The following SS18 variants were observed in gnomAD, a reference collection of about 807,000 sequenced individuals.
SS18 encodes the protein SS18 subunit of BAF chromatin remodeling complex, also known as protein SSXT.
In SS18, 28 loss-of-function variants were observed where a neutral mutation model predicts 72.5. The ratio of observed to expected loss-of-function variants is 0.39; its 90% confidence interval spans 0.29 to 0.53. SS18 has a LOEUF of 0.53. SS18 is among the 20% of genes least tolerant of loss of function. The probability of loss-of-function intolerance (pLI) is 0.76; values close to 1 mark genes in which losing one functional copy is unlikely to be tolerated. For synonymous variants in SS18, 172 were observed against 164.2 expected, an observed-to-expected ratio of 1.05 and a Z score of -0.37; for missense variants, 518 against 535.3, an observed-to-expected ratio of 0.97 and a Z score of 0.32.
At chr18:26,020,422 TG>T (rs1450095792) in intron 10 of SS18, among the ~76,000 whole-genome samples, 2 of 152,172 alleles carry the variant, frequency 1.3e-5, no homozygotes, top group African/African-American at 2.4e-5. Context: ...ATGTATAAAA[TG>T]AGATGCTAAT....
At chr18:26,052,956 A>G in intron 4 of SS18, 111 bp from the exon 5 acceptor site, 1 of 774,338 alleles carries the variant, frequency 1.3e-6, no homozygotes, top group Non-Finnish European at 2.1e-6. Context: ...CCAAACAATA[A>G]TTAATCGATA....
chr18:26,032,181 A>T (rs887330204), intron 10 of SS18, among the ~76,000 whole-genome samples: 2 of 152,126 alleles, frequency 1.3e-5, no homozygotes. Flanking sequence ...TTGTCTTATG[A>T]TAAGGCCATG....
Position 26,035,328 on chromosome 18 carries a change from G to A in SS18, c.974-201C>T. 1.9e-6 allele frequency: 1 copy of A among 538,176 alleles called. No homozygotes were observed. The highest frequency in any genetic ancestry group is 1.9e-5 in the African/African-American group (1 of 52,460). 33.3% of individuals were successfully genotyped at this position (538,176 alleles called of 1,614,324 possible). The stretch of plus-strand genomic sequence containing the variant: ...ACTGCAGTTAAAGCCAATTTTGCAA[G>A]GTTGAACTGCAGCATTTTCAGCGTC... On this transcript the variant is annotated intron_variant, in intron 8 of 10. Coordinates refer to ENST00000415083, the MANE Select transcript of SS18 (RefSeq NM_001007559.3). This position sits in a 1 kb window ranked among gnomAD's most constrained non-coding sequence, Gnocchi z 4.4.
At chr18:26,064,999 C>G (rs1263892505) in intron 3 of SS18, 1 of 151,942 alleles carries the variant, frequency 6.6e-6, no homozygotes, top group African/African-American at 2.4e-5. Flanking sequence ...ATAATAGCAT[C>G]CAAAAAAACT....
intron 3 of SS18, among the ~76,000 whole-genome samples, chr18:26,076,660 TTA>T (rs2054418729): frequency 6.6e-6 from 1 of 151,934 alleles, no homozygotes; most frequent in Non-Finnish European, 1.5e-5. Flanking sequence ...CATTACATTG[TTA>T]TATGTTTTAT....
chr18:26,082,987 T>C (rs1036630213), intron 2 of SS18, among the ~76,000 whole-genome samples: 1 of 152,246 alleles, frequency 6.6e-6, no homozygotes, highest in African/African-American at 2.4e-5. Context: ...CGTTTCTCTT[T>C]ATTTTCCTTT....
In SS18 at chr18:26,035,448, C is replaced by T. The variant is rs1363894052; in HGVS notation, c.974-321G>A. On this transcript the variant is annotated intron_variant, in intron 8 of 10. Coordinates refer to ENST00000415083, the MANE Select transcript of SS18 (RefSeq NM_001007559.3). The surrounding 1 kb of genome is among the most constrained non-coding windows in gnomAD (Gnocchi z 4.4). ...AAAAAGACAAAATTAAAGACAGCTACAAGAGCACACACTAGCTACACGAGA... is the reference window on the plus strand; with the variant it reads ...AAAAAGACAAAATTAAAGACAGCTATAAGAGCACACACTAGCTACACGAGA... 1.6e-5 allele frequency: 5 copies of T among 320,164 alleles called. No individual in the cohort carries two copies. The highest frequency in any genetic ancestry group is 9.1e-5 in the Admixed American group (2 of 21,860). The allele number at this position is 320,164 out of a possible 1,614,324, so 19.8% of individuals were successfully genotyped here. A position where few individuals can be genotyped will look rare whatever the true frequency, so the allele number is the denominator to read the frequency against.
In SS18 at chr18:26,032,331, A is replaced by T; in HGVS notation, c.1230+68T>A. Reference sequence around the variant, plus strand: ...GAGGCTTCAAGTTAAATAAATTTTAAAAAAAAGTTCACCTAATCGAGAGTG... The same window carrying T: ...GAGGCTTCAAGTTAAATAAATTTTATAAAAAAGTTCACCTAATCGAGAGTG... On this transcript the variant is annotated intron_variant, in intron 10 of 10. Coordinates refer to ENST00000415083, the MANE Select transcript of SS18 (RefSeq NM_001007559.3). 5 of 1,569,070 alleles carry T rather than the reference A, an allele frequency of 3.2e-6. No individual in the cohort carries two copies. In the South Asian group the frequency reaches 5.8e-5, roughly 18 times the overall value.
chr18:26,069,507 TAAA>T (rs11329781), intron 3 of SS18, among the ~76,000 whole-genome samples: 15,345 of 85,916 alleles, frequency 0.18, 1,329 homozygotes, highest in African/African-American at 0.3. Context: ...CCTACCAAAG[TAAA>T]AAAAAAAAAA....
intron 1 of SS18, among the ~76,000 whole-genome samples, chr18:26,088,234 A>C (rs1469738520): frequency 6.6e-6 from 1 of 152,236 alleles, no homozygotes; most frequent in African/African-American, 2.4e-5. Context: ...AGCTTTAGCC[A>C]ATTAAGACTA....
chr18:26,076,098 C>A (rs1026339214), intron 3 of SS18, among the ~76,000 whole-genome samples: 4 of 151,782 alleles, frequency 2.6e-5, no homozygotes, highest in African/African-American at 9.7e-5. Context: ...ATGCAATGCT[C>A]ACGATTTGGA....
chr18:26,035,404 G>A lies in SS18; in HGVS notation c.974-277C>T. On this transcript the variant is annotated intron_variant, in intron 8 of 10. Transcript: ENST00000415083. The surrounding 1 kb of genome is among the most constrained non-coding windows in gnomAD (Gnocchi z 4.4). ...TGGAACATCACAGTCATAAGATCAT[G>A]ACTATGCTAAATAAAATAAAAAAGA... 1 of 374,292 alleles carries A rather than the reference G, an allele frequency of 2.7e-6. No homozygotes were observed. The highest frequency in any genetic ancestry group is 4.9e-6 in the Non-Finnish European group (1 of 203,458). 23.2% of individuals were successfully genotyped at this position (374,292 alleles called of 1,614,324 possible).
intron 10 of SS18, among the ~76,000 whole-genome samples, chr18:26,030,454 CAT>C (rs1472193782): frequency 7.9e-5 from 12 of 152,020 alleles, no homozygotes; most frequent in Admixed American, 6.6e-4. Context: ...TGTATCATAT[CAT>C]ATGTTTACCC....
intron 3 of SS18, among the ~76,000 whole-genome samples, chr18:26,067,602 T>C (rs905294579): frequency 1.3e-5 from 2 of 152,060 alleles, no homozygotes; most frequent in Non-Finnish European, 2.9e-5. Flanking sequence ...GTCAAGAATA[T>C]AGGAATCCAT....
intron 10 of SS18, among the ~76,000 whole-genome samples, chr18:26,021,777 T>A (rs1039155129): frequency 6.6e-6 from 1 of 152,212 alleles, no homozygotes; most frequent in East Asian, 1.9e-4. Context: ...GCAATCTAGC[T>A]TGGTGATAGT....
intron 2 of SS18, among the ~76,000 whole-genome samples, chr18:26,085,478 TC>T (rs2054600326): frequency 6.6e-6 from 1 of 152,226 alleles, no homozygotes; most frequent in African/African-American, 2.4e-5. Flanking sequence ...ACCAATACAA[TC>T]TTTTTGCTGG....
intron 3 of SS18, among the ~76,000 whole-genome samples, chr18:26,069,239 C>G (rs2054271386): frequency 6.6e-6 from 1 of 152,054 alleles, no homozygotes; most frequent in African/African-American, 2.4e-5. Context: ...ACACCATGAA[C>G]TGTTTTACAG....
At position 26,057,592 on chromosome 18, in the gene SS18, G is replaced by A; in HGVS notation, c.382C>T (p.Pro128Ser). The A allele has an allele frequency of 6.2e-7, 1 of 1,614,106 alleles. No homozygotes were observed. The highest frequency in any genetic ancestry group is 8.5e-7 in the Non-Finnish European group (1 of 1,180,010). ...GTCTTAGAGGAGAAAAACTTACCAG[G>A]CATCTGGCCGTTCATCTGGTTCTGC... ...HMQNQMNGQM[P>S]GPNHMPMQGP... The change falls in exon 4 of 11, where the codon CCT becomes TCT. Residue 128 changes from proline to serine, a missense_variant. Pro to Ser is a moderately conservative substitution (Grantham distance 74, BLOSUM62 -1). Coordinates refer to ENST00000415083, the MANE Select transcript of SS18 (RefSeq NM_001007559.3).
At chr18:26,024,711 G>A (rs1315961161) in intron 10 of SS18, among the ~76,000 whole-genome samples, 1 of 152,038 alleles carries the variant, frequency 6.6e-6, no homozygotes, top group East Asian at 1.9e-4. Context: ...AGCTGTTTTT[G>A]TTAAAAAGAG....
Sources: allele counts gnomAD v4.1 joint callset (sites outside exome capture counted in the v4.1 genomes callset), GRCh38; gene constraint gnomAD v4.1.1; non-coding constraint Gnocchi (gnomAD v3.1); transcripts MANE v1.5; gene names NCBI Gene and HGNC (gene_info 2026-07-23, HGNC 2026-07-21).